Variants in ANXA9 observed in about 807,000 individuals in gnomAD.
ANXA9 encodes the protein annexin A9.
Under a neutral mutation model 51.8 loss-of-function variants are expected in ANXA9, and 47 were observed. The observed-to-expected ratio is 0.91, with a 90% CI of 0.72 to 1.16. The LOEUF (loss-of-function observed/expected upper bound fraction) is 1.16, where lower values mean the gene tolerates loss of function less well. ANXA9 is among the 50% of genes most tolerant of loss of function. The probability of loss-of-function intolerance (pLI) is 0.00; values close to 1 mark genes in which losing one functional copy is unlikely to be tolerated. For synonymous variants in ANXA9, 154 were observed against 168.7 expected (o/e 0.91, Z 0.68); for missense variants, 361 against 424.7 (o/e 0.85, Z 1.32).
In ANXA9 at chr1:150,984,011, A is replaced by G; in HGVS notation, c.209A>G (p.Asn70Ser). ...AGTGCCATTGTGGACGTGCTGACCA[A>G]CCGGAGCAGAGAGCAAAGGCAGCTC... is the stretch of plus-strand genomic sequence containing the variant. ...DRSAIVDVLT[N>S]RSREQRQLIS... The change falls in exon 5 of 14, where the codon AAC (asparagine) becomes AGC (serine). Residue 70 changes from asparagine to serine, a missense_variant. Physicochemically the swap from Asn to Ser is conservative, Grantham distance 46 (BLOSUM62 1). Coordinates refer to ENST00000368947, the MANE Select transcript of ANXA9 (RefSeq NM_003568.3). 1 of 1,612,684 alleles carries G rather than the reference A, an allele frequency of 6.2e-7. No homozygotes were observed. Among genetic ancestry groups the G allele is most frequent in the South Asian group, 1.1e-5 (1 of 90,932 alleles).
chr1:150,994,877 A>G, intron 13 of ANXA9, 178 bp downstream of exon 13: 1 of 925,270 alleles, frequency 1.1e-6, no homozygotes, highest in African/African-American at 1.8e-5. Flanking sequence ...GCGGATCACG[A>G]GGTCAGGAGT....
chr1:150,995,183 C>G (rs1671820084), intron 13 of ANXA9, 77 bp from the exon 14 acceptor site: 1 of 1,445,984 alleles, frequency 6.9e-7, no homozygotes, highest in Non-Finnish European at 9.5e-7. Context: ...TGTGATGGAC[C>G]AGCCCAAAGG....
upstream of ANXA9, among the ~76,000 whole-genome samples, chr1:150,980,268 C>T (rs1023584981): frequency 2.0e-5 from 3 of 151,808 alleles, no homozygotes; most frequent in African/African-American, 7.3e-5. Flanking sequence ...TGATGGCAGG[C>T]GCCTATAATC....
At chr1:150,985,300 C>G (rs916119322) in intron 7 of ANXA9, among the ~76,000 whole-genome samples, 8 of 152,058 alleles carry the variant, frequency 5.3e-5, no homozygotes, top group African/African-American at 1.9e-4. Flanking sequence ...CCCAAAGGTA[C>G]TCATGTCACC....
chr1:150,977,419 C>G (rs113190522), upstream of ANXA9, among the ~76,000 whole-genome samples: 1,809 of 152,312 alleles, frequency 0.012, 26 homozygotes, highest in African/African-American at 0.041. Context: ...TTGGCTGGAC[C>G]GGAGACTGTG....
chr1:150,984,602 T>C lies in ANXA9; in HGVS notation c.398T>C (p.Val133Ala), dbSNP rs777546593. ...RTALKASDSA[V>A]DVAIEILATR... ...TTCTTGTAGGCCTCAGATTCTGCTGTGGACGTGGCCATTGAAATTCTTGCC... is the reference window on the plus strand; with the variant it reads ...TTCTTGTAGGCCTCAGATTCTGCTGCGGACGTGGCCATTGAAATTCTTGCC... Residue 133 changes from valine to alanine, a missense_variant, in exon 7 of 14, where the codon GTG (valine) becomes GCG (alanine). Transcript: ENST00000368947. The C allele has an allele frequency of 5.6e-6, 9 of 1,614,126 alleles. No homozygotes were observed. In the South Asian group the frequency reaches 6.6e-5, roughly 12 times the overall value.
rs769172343 is a variant in ANXA9 at position 150,988,165 on chromosome 1, C to T, written c.772C>T (p.Gln258Ter). The T allele has an allele frequency of 1.2e-6, 2 of 1,614,078 alleles. No homozygotes were observed. Among genetic ancestry groups the T allele is most frequent in the Non-Finnish European group, 1.7e-6 (2 of 1,180,048 alleles). Residue 258 changes from glutamine to a stop codon, truncating the protein, a stop_gained, in exon 11 of 14, where the codon CAG (glutamine) becomes TAG (stop). Coordinates refer to ENST00000368947, the MANE Select transcript of ANXA9 (RefSeq NM_003568.3). LOFTEE classifies it high-confidence loss of function. Reference protein sequence around the residue: ...AVQNRFHGDAQVALLGLASVI... With the variant: ...AVQNRFHGDA ...CCAGAACCGTTTCCATGGAGATGCT[C>T]AGGTGGCTCTGCTCGGCCTAGGTAG...
At chr1:150,990,844 CA>C (rs1024882484) in intron 12 of ANXA9, among the ~76,000 whole-genome samples, 3 of 150,620 alleles carry the variant, frequency 2.0e-5, no homozygotes, top group Admixed American at 6.6e-5. Flanking sequence ...AGACCTGCCT[CA>C]AAAAAAATAA....
intron 12 of ANXA9, 92 bp from the exon 13 acceptor site, chr1:150,994,485 T>C (rs1406603887): frequency 1.3e-6 from 2 of 1,564,346 alleles, no homozygotes; most frequent in Non-Finnish European, 1.7e-6. Context: ...CCACCTTGCC[T>C]CCCCTTCCTA....
chr1:150,987,115 C>T (rs1053709250), intron 9 of ANXA9, among the ~76,000 whole-genome samples: 99 of 152,094 alleles, frequency 6.5e-4, no homozygotes, highest in African/African-American at 2.3e-3. Context: ...TACCTGTAAT[C>T]CCAGCACTTT....
upstream of ANXA9, among the ~76,000 whole-genome samples, chr1:150,977,445 A>G (rs1286251276): frequency 1.3e-5 from 2 of 152,140 alleles, no homozygotes; most frequent in East Asian, 3.9e-4. Context: ...CACCCTTCCA[A>G]CCCATCCCCC....
upstream of ANXA9, among the ~76,000 whole-genome samples, chr1:150,977,738 G>A (rs1671361631): frequency 6.6e-6 from 1 of 152,208 alleles, no homozygotes; most frequent in Non-Finnish European, 1.5e-5. Flanking sequence ...GGAGATTCAG[G>A]GGCCAGGAGT....
At chr1:150,993,770 G>A (rs936682734) in intron 12 of ANXA9, among the ~76,000 whole-genome samples, 4 of 151,562 alleles carry the variant, frequency 2.6e-5, no homozygotes, top group Non-Finnish European at 5.9e-5. Flanking sequence ...AAGTAGCTGG[G>A]ATTGCAGGCA....
rs1432946584 is a variant in ANXA9 at position 150,983,110 on chromosome 1, C to A, written c.5C>A (p.Ser2Tyr). M[S>Y]VTGGKMAPSL... ...CCCAGGGCAACCAGTAGCACCATGTCTGTGACTGGCGGGAAGATGGCACCG... is the reference window on the plus strand; with the variant it reads ...CCCAGGGCAACCAGTAGCACCATGTATGTGACTGGCGGGAAGATGGCACCG... The change falls in exon 3 of 14, where the codon TCT (serine) becomes TAT (tyrosine). Residue 2 changes from serine (S) to tyrosine (Y), a missense_variant. Coordinates refer to ENST00000368947, the MANE Select transcript of ANXA9 (RefSeq NM_003568.3). 1 of 1,613,882 alleles carries A rather than the reference C, an allele frequency of 6.2e-7. No homozygotes were observed. The highest frequency in any genetic ancestry group is 8.5e-7 in the Non-Finnish European group (1 of 1,179,938).
At chr1:150,992,537 A>G (rs1671731839) in intron 12 of ANXA9, among the ~76,000 whole-genome samples, 1 of 152,056 alleles carries the variant, frequency 6.6e-6, no homozygotes, top group African/African-American at 2.4e-5. Flanking sequence ...TAACAGAGTG[A>G]GACTCCATCT....
At chr1:150,991,928 G>A (rs113687061) in intron 12 of ANXA9, among the ~76,000 whole-genome samples, 19 of 151,924 alleles carry the variant, frequency 1.3e-4, no homozygotes, top group African/African-American at 2.7e-4. Context: ...CACCACGCCC[G>A]GCTAATTTTT....
chr1:150,980,668 C>T (rs1397953677), upstream of ANXA9, among the ~76,000 whole-genome samples: 1 of 149,646 alleles, frequency 6.7e-6, no homozygotes, highest in Non-Finnish European at 1.5e-5. Context: ...CAACCTCTGC[C>T]TCCCAGGTTC....
At chr1:150,983,933 T>C (rs1172569310) in intron 4 of ANXA9, 42 bp from the exon 5 acceptor site, 6 of 1,579,028 alleles carry the variant, frequency 3.8e-6, no homozygotes, top group Middle Eastern at 1.7e-4. Context: ...CATCCCACTA[T>C]GTAAAGACCC....
intron 12 of ANXA9, among the ~76,000 whole-genome samples, chr1:150,989,875 T>G (rs1454143011): frequency 2.0e-5 from 3 of 152,212 alleles, no homozygotes; most frequent in Non-Finnish European, 4.4e-5. Context: ...GAGTCAACAC[T>G]AAGATTCATT....
Sources: allele counts gnomAD v4.1 joint callset (sites outside exome capture counted in the v4.1 genomes callset), GRCh38; gene constraint gnomAD v4.1.1; transcripts MANE v1.5; gene names NCBI Gene and HGNC (gene_info 2026-07-23, HGNC 2026-07-21).